Variants in CCDC158 observed in about 807,000 individuals in gnomAD.
The protein encoded by CCDC158 is coiled-coil domain-containing protein 158.
In CCDC158, 116 loss-of-function variants were observed where a neutral mutation model predicts 138.6. The ratio of observed to expected loss-of-function variants is 0.84; its 90% CI spans 0.72 to 0.98. CCDC158 has a LOEUF of 0.98. Among genes scored for constraint, CCDC158 ranks in the 50% least tolerant of loss-of-function variants. The pLI, the probability that CCDC158 is intolerant of heterozygous loss-of-function variation, is 0.00. For synonymous variants in CCDC158, 436 were observed against 442.4 expected, an observed-to-expected ratio of 0.99 and a Z score of 0.18; for missense variants, 1,265 against 1,306.1, an observed-to-expected ratio of 0.97 and a Z score of 0.48.
Position 76,384,617 on chromosome 4 carries a change from T to G in CCDC158, c.337A>C (p.Ile113Leu). 2 of 1,613,792 alleles carry G rather than the reference T, an allele frequency of 1.2e-6. No homozygotes were observed. The highest frequency in any genetic ancestry group is 1.7e-6 in the Non-Finnish European group (2 of 1,179,874). ...KQKFYLRQSV[I>L]DLQTKLQEMQ... is the part of the protein sequence containing the mutation. ...TCCTGAAGTTTTGTTTGCAAATCAA[T>G]GACTGACTGCCTCAAATAAAACTTT... The change falls in exon 5 of 25, where the codon ATT becomes CTT. Residue 113 changes from isoleucine (I) to leucine (L), a missense_variant. By Grantham distance (5) the Ile-to-Leu change is conservative (BLOSUM62 2). Transcript: ENST00000682701.
At chr4:76,415,088 G>A (rs189553517) in intron 1 of CCDC158, among the ~76,000 whole-genome samples, 1 of 152,332 alleles carries the variant, frequency 6.6e-6, no homozygotes, top group Non-Finnish European at 1.5e-5. Flanking sequence ...CCAGGCTGAG[G>A]TGGTCAGATG....
chr4:76,382,592 C>G lies in CCDC158; in HGVS notation c.914+18G>C. The G allele has an allele frequency of 7.1e-7, 1 of 1,414,244 alleles. No individual in the cohort carries two copies. The highest frequency in any genetic ancestry group is 1.0e-6 in the Non-Finnish European group (1 of 1,001,542). The allele number at this position is 1,414,244 out of a possible 1,614,324, so 87.6% of individuals were successfully genotyped here. On this transcript the variant is annotated intron_variant, in intron 8 of 24. Transcript: ENST00000682701. ...CTTTAAAATGAAGATGAATGACTAA[C>G]AGTTTCAAACCACATACTGAATGAT...
At chr4:76,331,033 C>T (rs1022269521) in intron 21 of CCDC158, among the ~76,000 whole-genome samples, 5 of 152,006 alleles carry the variant, frequency 3.3e-5, no homozygotes, top group Non-Finnish European at 5.9e-5. Flanking sequence ...TGAATTAGCC[C>T]CTATTCTAAC....
At chr4:76,328,274 T>C (rs941710133) in intron 22 of CCDC158, among the ~76,000 whole-genome samples, 5 of 152,230 alleles carry the variant, frequency 3.3e-5, no homozygotes, top group African/African-American at 7.2e-5. Flanking sequence ...GCACCTGCTA[T>C]GTGCCAGGAA....
At chr4:76,386,271 A>G (rs1726776445) in intron 4 of CCDC158, among the ~76,000 whole-genome samples, 1 of 116,942 alleles carries the variant, frequency 8.6e-6, no homozygotes, top group African/African-American at 3.1e-5. Context: ...TAAGAACACG[A>G]AAGTCAAGTG....
At chr4:76,395,400 T>A (rs918656054) in intron 4 of CCDC158, among the ~76,000 whole-genome samples, 4 of 152,158 alleles carry the variant, frequency 2.6e-5, no homozygotes, top group Admixed American at 2.0e-4. Context: ...AACAATGTGG[T>A]AATGAGTAAA....
intron 23 of CCDC158, among the ~76,000 whole-genome samples, chr4:76,325,483 T>A (rs2271401): frequency 6.6e-6 from 1 of 152,020 alleles, no homozygotes; most frequent in African/African-American, 2.4e-5. Flanking sequence ...TTGTACGGTA[T>A]GCACTTATAC....
intron 1 of CCDC158, among the ~76,000 whole-genome samples, chr4:76,413,474 C>CAAAAAA (rs560813465): frequency 1.8e-5 from 1 of 56,312 alleles, no homozygotes; most frequent in Non-Finnish European, 3.9e-5. Context: ...GACCTTGTCT[C>CAAAAAA]AAAAAAAAAA....
At position 76,367,719 on chromosome 4, in the gene CCDC158, G is replaced by T; in HGVS notation, c.1405C>A (p.Gln469Lys). The T allele has an allele frequency of 6.2e-7, 1 of 1,613,810 alleles. No individual in the cohort carries two copies. Among genetic ancestry groups the T allele is most frequent in the South Asian group, 1.1e-5 (1 of 91,052 alleles). The change falls in exon 12 of 25, where the codon CAG becomes AAG. Residue 469 changes from glutamine to lysine, a missense_variant. By Grantham distance (53) the Gln-to-Lys change is moderately conservative. Transcript: ENST00000682701. ...SLEKVSSLTA[Q>K]LESTKEMLRK... ...AGCATCTCTTTGGTGGATTCAAGCTGAGCAGTCAAGGAGGATACTTTTTCT... is the reference window on the plus strand; with the variant it reads ...AGCATCTCTTTGGTGGATTCAAGCTTAGCAGTCAAGGAGGATACTTTTTCT...
At chr4:76,369,215 A>AAAATAAATAAAT (rs373989037) in intron 11 of CCDC158, among the ~76,000 whole-genome samples, 1 of 151,972 alleles carries the variant, frequency 6.6e-6, no homozygotes, top group African/African-American at 2.4e-5. Flanking sequence ...ACGCCATCTA[A>AAAATAAATAAAT]AAATAAATAA....
chr4:76,337,932 T>C (rs1206585852), intron 18 of CCDC158, among the ~76,000 whole-genome samples: 1 of 152,082 alleles, frequency 6.6e-6, no homozygotes, highest in Non-Finnish European at 1.5e-5. Flanking sequence ...TACCGGCCCA[T>C]GGTCTGTGAG....
At chr4:76,368,970 C>T (rs145137442) in intron 11 of CCDC158, among the ~76,000 whole-genome samples, 3,886 of 152,174 alleles carry the variant, frequency 0.026, 81 homozygotes, top group Non-Finnish European at 0.038. Context: ...AATCTCAGCA[C>T]CTTGGGAGGC....
At chr4:76,417,291 T>C (rs539517810) in intron 1 of CCDC158, among the ~76,000 whole-genome samples, 1 of 152,336 alleles carries the variant, frequency 6.6e-6, no homozygotes, top group South Asian at 2.1e-4. Context: ...ATCTAGGAAG[T>C]AACTAGCTTG....
At chr4:76,400,936 G>A (rs1728317817) in intron 3 of CCDC158, among the ~76,000 whole-genome samples, 1 of 152,120 alleles carries the variant, frequency 6.6e-6, no homozygotes, top group Non-Finnish European at 1.5e-5. Context: ...GATAGAAAGA[G>A]GTTGATAATT....
chr4:76,334,500 C>T (rs1244725591), intron 18 of CCDC158, among the ~76,000 whole-genome samples: 1 of 152,054 alleles, frequency 6.6e-6, no homozygotes, highest in Non-Finnish European at 1.5e-5. Flanking sequence ...TACACCTGGA[C>T]AAAATAACTT....
chr4:76,382,795 A>AT (rs1470504865), intron 7 of CCDC158, 75 bp from the exon 8 acceptor site: 5 of 965,014 alleles, frequency 5.2e-6, no homozygotes, highest in African/African-American at 1.6e-5. Context: ...AAAATTAATG[A>AT]TTTTCAATAC....
chr4:76,342,529 A>G (rs1722155565), intron 18 of CCDC158, among the ~76,000 whole-genome samples: 1 of 152,228 alleles, frequency 6.6e-6, no homozygotes, highest in Non-Finnish European at 1.5e-5. Context: ...CTAAGCTATT[A>G]TTAGAATTGT....
At chr4:76,337,793 C>T (rs1373092528) in intron 18 of CCDC158, among the ~76,000 whole-genome samples, 2 of 152,102 alleles carry the variant, frequency 1.3e-5, no homozygotes, top group East Asian at 1.9e-4. Flanking sequence ...TTTCATATAA[C>T]TCTTATCAGG....
chr4:76,348,639 T>G (rs1306705924), intron 18 of CCDC158, among the ~76,000 whole-genome samples: 2 of 152,128 alleles, frequency 1.3e-5, no homozygotes, highest in South Asian at 2.1e-4. Context: ...GTAAAGAACT[T>G]GTTAAAAAAC....
Sources: allele counts gnomAD v4.1 joint callset (sites outside exome capture counted in the v4.1 genomes callset), GRCh38; gene constraint gnomAD v4.1.1; transcripts MANE v1.5; gene names NCBI Gene and HGNC (gene_info 2026-07-23, HGNC 2026-07-21).